Variants in RFX3 observed in about 807,000 individuals in gnomAD.
The protein encoded by RFX3 is regulatory factor X3, also known as transcription factor RFX3.
In RFX3, 14 loss-of-function variants were observed where a neutral mutation model predicts 98.6. The ratio of observed to expected loss-of-function variants is 0.14; its 90% CI spans 0.09 to 0.22. The LOEUF (loss-of-function observed/expected upper bound fraction) is 0.22, where lower values mean the gene tolerates loss of function less well. Ranked by LOEUF, RFX3 falls within the 10% of genes least tolerant of loss-of-function variation. The pLI, the probability that RFX3 is intolerant of heterozygous loss-of-function variation, is 1.00. For missense variants in RFX3, 639 were observed against 926.9 expected, an observed-to-expected ratio of 0.69 and a Z score of 4.03; for synonymous variants, 383 against 328.4, an observed-to-expected ratio of 1.17 and a Z score of -1.80.
intron 6 of RFX3, among the ~76,000 whole-genome samples, chr9:3,291,724 T>C (rs1827381487): frequency 6.6e-6 from 1 of 152,172 alleles, no homozygotes; most frequent in Admixed American, 6.5e-5. Context: ...CTTTTCTTCC[T>C]ACAACACTCA....
At chr9:3,400,186 A>G in intron 1 of RFX3, 1 of 954,974 alleles carries the variant, frequency 1.0e-6, no homozygotes. Context: ...ACCGAAGGCC[A>G]TACAGACGCT....
chr9:3,232,229 G>C (rs1818564335), intron 15 of RFX3, among the ~76,000 whole-genome samples: 1 of 152,200 alleles, frequency 6.6e-6, no homozygotes, highest in Non-Finnish European at 1.5e-5. Flanking sequence ...AAGGATTAGA[G>C]GGGGCTACTC....
chr9:3,425,544 G>T (rs1442802879), intron 1 of RFX3, among the ~76,000 whole-genome samples: 2 of 152,158 alleles, frequency 1.3e-5, no homozygotes, highest in East Asian at 3.8e-4. Flanking sequence ...AAAGTTAGCT[G>T]CTTCTTCCTG....
chr9:3,297,999 G>C (rs1239138163), intron 5 of RFX3, among the ~76,000 whole-genome samples: 2 of 151,582 alleles, frequency 1.3e-5, no homozygotes, highest in Non-Finnish European at 2.9e-5. Flanking sequence ...AAATAATCTT[G>C]TCTGCAATGA....
In RFX3 at chr9:3,224,481, T is replaced by C. The variant is rs1272824349; in HGVS notation, c.*561A>G. 1 of 153,716 alleles carries C rather than the reference T, an allele frequency of 6.5e-6. No individual in the cohort carries two copies. The highest frequency in any genetic ancestry group is 2.4e-5 in the African/African-American group (1 of 41,444). 9.5% of individuals were successfully genotyped at this position (153,716 alleles called of 1,614,324 possible). A position where few individuals can be genotyped will look rare whatever the true frequency, so the allele number is the denominator to read the frequency against. The stretch of plus-strand genomic sequence containing the variant: ...GAAAAATAGATGACCTTCCAAACCC[T>C]CTAGCACTATAATAAAAATGCTCTG... On this transcript the variant is annotated 3_prime_UTR_variant, in exon 17 of 17. Coordinates refer to ENST00000617270, the MANE Select transcript of RFX3 (RefSeq NM_001282116.2).
chr9:3,241,151 T>C (rs117810196), intron 15 of RFX3, among the ~76,000 whole-genome samples: 1 of 152,220 alleles, frequency 6.6e-6, no homozygotes, highest in East Asian at 1.9e-4. Context: ...TCCAACTTCA[T>C]AGTATTTCTC....
At chr9:3,265,301 TG>T (rs1198117006) in intron 12 of RFX3, among the ~76,000 whole-genome samples, 5 of 152,204 alleles carry the variant, frequency 3.3e-5, no homozygotes, top group Non-Finnish European at 7.3e-5. Context: ...CAATCTAATA[TG>T]GGCACATCAA....
intron 1 of RFX3, among the ~76,000 whole-genome samples, chr9:3,455,624 T>C (rs1847081088): frequency 6.6e-6 from 1 of 152,228 alleles, no homozygotes; most frequent in African/African-American, 2.4e-5. Flanking sequence ...AGTAAATACA[T>C]GATTTAAAAG....
At chr9:3,472,345 T>C (rs926203013) in intron 1 of RFX3, among the ~76,000 whole-genome samples, 2 of 152,194 alleles carry the variant, frequency 1.3e-5, no homozygotes, top group South Asian at 2.1e-4. Flanking sequence ...AGTCACTTTC[T>C]TTCTTAATTC....
chr9:3,315,746 C>A (rs1323500971), intron 4 of RFX3, among the ~76,000 whole-genome samples: 2 of 152,126 alleles, frequency 1.3e-5, no homozygotes, highest in African/African-American at 2.4e-5. Flanking sequence ...ACTATAAACA[C>A]CACTATGCAA....
chr9:3,408,258 T>G (rs540720605), intron 1 of RFX3, among the ~76,000 whole-genome samples: 26 of 152,180 alleles, frequency 1.7e-4, no homozygotes, highest in Non-Finnish European at 3.1e-4. Context: ...AACTGAGAAG[T>G]AGAGCTTTAA....
At chr9:3,283,835 T>G (rs1482354568) in intron 7 of RFX3, among the ~76,000 whole-genome samples, 1 of 148,430 alleles carries the variant, frequency 6.7e-6, no homozygotes, top group Non-Finnish European at 1.5e-5. Flanking sequence ...CTCCCTTTAT[T>G]TCATATGCAA....
chr9:3,460,588 T>C (rs1430425865), intron 1 of RFX3, among the ~76,000 whole-genome samples: 1 of 151,726 alleles, frequency 6.6e-6, no homozygotes, highest in African/African-American at 2.4e-5. Context: ...TTGAAACTGA[T>C]AAACTCAGTC....
chr9:3,221,070 T>A lies in RFX3; in HGVS notation c.*3972A>T, dbSNP rs1817319764. 6.6e-6 allele frequency: 1 copy of A among 152,180 alleles called. No individual in the cohort carries two copies. The highest frequency in any genetic ancestry group is 2.4e-5 in the African/African-American group (1 of 41,446). 9.4% of individuals were successfully genotyped at this position (152,180 alleles called of 1,614,324 possible). A position where few individuals can be genotyped will look rare whatever the true frequency, so the allele number is the denominator to read the frequency against. On this transcript the variant is annotated 3_prime_UTR_variant, in exon 17 of 17. Coordinates refer to ENST00000617270, the MANE Select transcript of RFX3 (RefSeq NM_001282116.2). The stretch of plus-strand genomic sequence containing the variant: ...GAATGTGTGTGTCTGGGGGATATAA[T>A]AAAGGTCAATTTATTGTATATAACC...
At chr9:3,412,491 T>C (rs532039101) in intron 1 of RFX3, among the ~76,000 whole-genome samples, 22 of 152,324 alleles carry the variant, frequency 1.4e-4, no homozygotes, top group Admixed American at 3.3e-4. Context: ...AATAAAGATA[T>C]ATTAATTCAT....
At chr9:3,317,706 C>T (rs558129258) in intron 4 of RFX3, among the ~76,000 whole-genome samples, 4 of 152,246 alleles carry the variant, frequency 2.6e-5, no homozygotes, top group South Asian at 2.1e-4. Context: ...AAAAAGTGGG[C>T]AAAGGATATG....
chr9:3,465,449 C>T (rs1848118525), intron 1 of RFX3, among the ~76,000 whole-genome samples: 1 of 138,684 alleles, frequency 7.2e-6, no homozygotes, highest in East Asian at 2.2e-4. Flanking sequence ...CACCACCATG[C>T]CCAGGTAACT....
At chr9:3,417,662 TTGGG>T (rs1843096673) in intron 1 of RFX3, among the ~76,000 whole-genome samples, 1 of 151,972 alleles carries the variant, frequency 6.6e-6, no homozygotes, top group Admixed American at 6.6e-5. Context: ...CTCAATAAAT[TTGGG>T]TGAAGAACAA....
intron 2 of RFX3, among the ~76,000 whole-genome samples, chr9:3,366,763 C>G (rs1204207613): frequency 6.9e-5 from 3 of 43,368 alleles, no homozygotes; most frequent in African/African-American, 2.4e-4. Context: ...TTTGGCTATT[C>G]TTATGTACAT....
Sources: allele counts gnomAD v4.1 joint callset (sites outside exome capture counted in the v4.1 genomes callset), GRCh38; gene constraint gnomAD v4.1.1; transcripts MANE v1.5; gene names NCBI Gene and HGNC (gene_info 2026-07-23, HGNC 2026-07-21).